Variants in TTC6 observed in about 807,000 individuals in gnomAD.
TTC6 encodes the protein tetratricopeptide repeat domain 6, also known as tetratricopeptide repeat protein 6.
Under a neutral mutation model 210.4 loss-of-function variants are expected in TTC6, and 172 were observed. The observed-to-expected ratio is 0.82, with a 90% CI of 0.72 to 0.93. The LOEUF (loss-of-function observed/expected upper bound fraction) is 0.93, where lower values mean the gene tolerates loss of function less well. Among genes scored for constraint, TTC6 ranks in the 40% least tolerant of loss-of-function variants. TTC6 has a pLI of 0.00. For synonymous variants in TTC6, 804 were observed against 819.6 expected, an observed-to-expected ratio of 0.98 and a Z score of 0.32; for missense variants, 2,414 against 2,318.1, an observed-to-expected ratio of 1.04 and a Z score of -0.85.
rs533718991 is a variant in TTC6 at position 37,608,862 on chromosome 14, C to T, written c.-155+2120C>T. Among the ~76,000 whole-genome samples, 12 of 152,010 alleles carry T rather than the reference C, an allele frequency of 7.9e-5. No individual in the cohort carries two copies. In the East Asian group the frequency reaches 1.6e-3, roughly 20 times the overall value. ...TCATACTGTAGTGAACTACAGGGGG[C>T]TTTGAAGCTGGGTAGCAAGAGGACT... On this transcript the variant is annotated intron_variant, in intron 2 of 2. Coordinates refer to the TTC6 transcript ENST00000556845.
chr14:37,616,176 C>T (rs575336647), intron 2 of TTC6, among the ~76,000 whole-genome samples: 1 of 152,132 alleles, frequency 6.6e-6, no homozygotes, highest in Non-Finnish European at 1.5e-5. Context: ...CAGTCGGAGA[C>T]GTGTGGGGTT....
chr14:37,738,974 A>G (rs2095909868), exon 10 of TTC6: 1 of 1,535,412 alleles, frequency 6.5e-7, no homozygotes. Context: ...CTTTGATAAC[A>G]TGTGCGAAAA....
intron 7 of TTC6, among the ~76,000 whole-genome samples, chr14:37,733,663 A>G (rs184339758): frequency 2.4e-3 from 366 of 152,206 alleles, no homozygotes; most frequent in Non-Finnish European, 3.7e-3. Context: ...TGCATTTCCT[A>G]TAGTTTCACT....
rs185927869 is a variant in TTC6 at position 37,754,986 on chromosome 14, A to G, written c.3266+1751A>G. 1.9e-3 allele frequency among the ~76,000 whole-genome samples: 288 copies of G among 152,222 alleles called. 1 individual carries two copies. The highest frequency in any genetic ancestry group is 6.7e-3 in the African/African-American group (279 of 41,544). ...TAGATCCTTGAGGAATTGCCACACT[A>G]TCTTCCACAATGGTTGAACTAATTT... On this transcript the variant is annotated intron_variant, in intron 14 of 30. Transcript: ENST00000553443.
rs745386839 is a variant in TTC6 at position 37,824,035 on chromosome 14, A to C, written c.4974+78A>C. Reference sequence around the variant, plus strand: ...TATTTGGCTCTTTCCTGGCAATGGGAGTATATGTTATTTCTTTGGTTATGA... The same window carrying C: ...TATTTGGCTCTTTCCTGGCAATGGGCGTATATGTTATTTCTTTGGTTATGA... On this transcript the variant is annotated intron_variant, in intron 27 of 30. Transcript: ENST00000553443. 2.0e-5 allele frequency: 25 copies of C among 1,266,758 alleles called. 1 individual carries two copies. The Admixed American group carries it at 2.1e-4, about 11-fold the overall frequency. The allele number at this position is 1,266,758 out of a possible 1,614,324, so 78.5% of individuals were successfully genotyped here.
At chr14:37,790,936 A>T in intron 16 of TTC6, 99 bp downstream of exon 18, 4 of 942,226 alleles carry the variant, frequency 4.2e-6, no homozygotes, top group Non-Finnish European at 6.1e-6. Flanking sequence ...TTGATAACCT[A>T]GAAAAAATGA....
At chr14:37,823,612 T>C (rs748009044) in intron 26 of TTC6, 135 bp from the exon 29 acceptor site, 11 of 764,034 alleles carry the variant, frequency 1.4e-5, no homozygotes, top group Non-Finnish European at 2.3e-5. Flanking sequence ...CCTCCTACAA[T>C]GGGTAATAGA....
chr14:37,626,853 C>T (rs945951574), intron 1 of TTC6, among the ~76,000 whole-genome samples: 5 of 152,162 alleles, frequency 3.3e-5, no homozygotes, highest in African/African-American at 7.2e-5. Flanking sequence ...CTAAATACTG[C>T]GGAAAAACCT....
chr14:37,611,402 G>A (rs2095634227), intron 2 of TTC6: 1 of 152,342 alleles, frequency 6.6e-6, no homozygotes, highest in Non-Finnish European at 1.5e-5. Context: ...GACTTCGTGT[G>A]GGCGCTTTGC....
At chr14:37,817,211 G>C (rs1245780062) in intron 25 of TTC6, among the ~76,000 whole-genome samples, 3 of 152,126 alleles carry the variant, frequency 2.0e-5, no homozygotes, top group Non-Finnish European at 4.4e-5. Flanking sequence ...AGATAGAGAA[G>C]TCTCCAGAGG....
intron 1 of TTC6, among the ~76,000 whole-genome samples, chr14:37,628,867 C>A (rs1194498116): frequency 2.0e-5 from 3 of 152,122 alleles, no homozygotes; most frequent in South Asian, 4.1e-4. Context: ...ATAGTGAATC[C>A]TTTTCCCACT....
At chr14:37,711,890 T>C (rs2095845309) in intron 5 of TTC6, among the ~76,000 whole-genome samples, 1 of 152,128 alleles carries the variant, frequency 6.6e-6, no homozygotes, top group Admixed American at 6.6e-5. Context: ...TAGTCATTAC[T>C]GTTGGGAGTG....
intron 14 of TTC6, among the ~76,000 whole-genome samples, chr14:37,754,236 C>T (rs938700832): frequency 4.6e-5 from 7 of 152,016 alleles, no homozygotes; most frequent in Non-Finnish European, 8.8e-5. Flanking sequence ...TCTCCCTCCC[C>T]TTGCCCCTGA....
intron 1 of TTC6, among the ~76,000 whole-genome samples, chr14:37,625,102 A>C (rs191464859): frequency 2.6e-5 from 4 of 152,102 alleles, no homozygotes; most frequent in Admixed American, 2.6e-4. Flanking sequence ...TGGCTTTTAA[A>C]ATTTTGACAC....
intron 1 of TTC6, among the ~76,000 whole-genome samples, chr14:37,664,151 A>G (rs1222719050): frequency 1.3e-5 from 2 of 150,642 alleles, no homozygotes; most frequent in Admixed American, 6.6e-5. Flanking sequence ...AGAAAAAGCT[A>G]TTTTAAAGCT....
At position 37,665,218 on chromosome 14, in the gene TTC6, A is replaced by G. The variant is rs151182984; in HGVS notation, c.940-14933A>G. 2.9e-3 allele frequency among the ~76,000 whole-genome samples: 442 copies of G among 150,720 alleles called. 11 individuals carry two copies. Among genetic ancestry groups the G allele is most frequent in the African/African-American group, 0.01 (424 of 41,428 alleles). Reference sequence around the variant, plus strand: ...GCATGCAAATGTTCATTGCAGCACTATTCACAATAGCAAAGACATGGAATC... The same window carrying G: ...GCATGCAAATGTTCATTGCAGCACTGTTCACAATAGCAAAGACATGGAATC... On this transcript the variant is annotated intron_variant, in intron 1 of 30. Coordinates refer to ENST00000553443, the Ensembl canonical transcript of TTC6.
At chr14:37,727,367 C>T (rs1003984192) in intron 7 of TTC6, among the ~76,000 whole-genome samples, 2 of 139,418 alleles carry the variant, frequency 1.4e-5, no homozygotes, top group East Asian at 2.1e-4. Context: ...GATCTTGGCT[C>T]ACTGCAACCT....
chr14:37,668,757 A>G (rs948921375), intron 1 of TTC6, among the ~76,000 whole-genome samples: 2 of 152,206 alleles, frequency 1.3e-5, no homozygotes, highest in Admixed American at 1.3e-4. Flanking sequence ...GAGGCTGTTA[A>G]TACAAAATTT....
At chr14:37,837,087 G>A (rs1317763363) in intron 29 of TTC6, among the ~76,000 whole-genome samples, 2 of 152,088 alleles carry the variant, frequency 1.3e-5, no homozygotes, top group African/African-American at 4.8e-5. Flanking sequence ...GCCTCTAACT[G>A]CTTCTTAGTT....
Sources: gnomAD v4.1 joint callset for allele counts (sites outside exome capture counted in the v4.1 genomes callset) on GRCh38, gnomAD v4.1.1 for gene constraint, MANE v1.5 for transcripts, NCBI Gene and HGNC (gene_info 2026-07-23, HGNC 2026-07-21) for gene names.